The following PDSS2 variants were observed in gnomAD, a reference collection of about 807,000 sequenced individuals.
PDSS2 encodes all trans-polyprenyl-diphosphate synthase PDSS2.
PDSS2 carries 31 observed loss-of-function variants against 44.5 expected under a neutral mutation model. That is an observed-to-expected ratio of 0.70 (90% CI 0.52 to 0.94). The LOEUF (loss-of-function observed/expected upper bound fraction) is 0.94, where lower values mean the gene tolerates loss of function less well. PDSS2 is among the 40% of genes least tolerant of loss of function. The probability of loss-of-function intolerance (pLI) is 0.00; values close to 1 mark genes in which losing one functional copy is unlikely to be tolerated. For synonymous variants in PDSS2, 157 were observed against 180.3 expected (o/e 0.87, Z 1.03); for missense variants, 452 against 482.2 (o/e 0.94, Z 0.59).
At chr6:107,316,810 T>C (rs35190350) in intron 2 of PDSS2, among the ~76,000 whole-genome samples, 229 of 152,270 alleles carry the variant, frequency 1.5e-3, no homozygotes, top group Non-Finnish European at 2.9e-3. Flanking sequence ...ACAAAACATA[T>C]ACTACATCTA....
At chr6:107,430,519 T>G (rs1236492881) in intron 1 of PDSS2, among the ~76,000 whole-genome samples, 1 of 148,186 alleles carries the variant, frequency 6.7e-6, no homozygotes, top group South Asian at 2.1e-4. Flanking sequence ...AAAAATAAAA[T>G]TTAAAAAGGA....
At chr6:107,454,739 G>A (rs756032086) in intron 1 of PDSS2, among the ~76,000 whole-genome samples, 3 of 150,862 alleles carry the variant, frequency 2.0e-5, no homozygotes, top group South Asian at 2.1e-4. Flanking sequence ...AGCTTTATTC[G>A]AAAAGTAAAT....
chr6:107,229,127 G>GTA lies in PDSS2; in HGVS notation c.702+16419_702+16420dup, dbSNP rs60093293. Among the ~76,000 whole-genome samples, 488 of 152,104 alleles carry GTA rather than the reference G, an allele frequency of 3.2e-3. 6 individuals are homozygous for GTA. Among genetic ancestry groups the GTA allele is most frequent in the African/African-American group, 0.011 (455 of 41,456 alleles). On this transcript the variant is annotated intron_variant, in intron 4 of 7. Coordinates refer to ENST00000369037, the MANE Select transcript of PDSS2 (RefSeq NM_020381.4). Reference sequence around the variant, plus strand: ...CTTTTTTAAAAAACAGCTTTTACATGTATATATAATTAAGACATTTTTAAC... The same window carrying GTA: ...CTTTTTTAAAAAACAGCTTTTACATGTATATATATAATTAAGACATTTTTAAC...
At chr6:107,310,831 G>T (rs914631140) in intron 2 of PDSS2, among the ~76,000 whole-genome samples, 1 of 151,936 alleles carries the variant, frequency 6.6e-6, no homozygotes. Context: ...CCTTCAGAGG[G>T]GAAGGAGAAA....
At chr6:107,434,862 TAC>T (rs1781299702) in intron 1 of PDSS2, among the ~76,000 whole-genome samples, 1 of 152,142 alleles carries the variant, frequency 6.6e-6, no homozygotes, top group Non-Finnish European at 1.5e-5. Flanking sequence ...TCCATATATA[TAC>T]GTGTGTGTGT....
chr6:107,367,258 A>G (rs1191649241), intron 1 of PDSS2, among the ~76,000 whole-genome samples: 1 of 152,242 alleles, frequency 6.6e-6, no homozygotes, highest in African/African-American at 2.4e-5. Flanking sequence ...ACACATGACC[A>G]TCTCAACAGA....
At chr6:107,247,484 T>C (rs981965220) in intron 3 of PDSS2, among the ~76,000 whole-genome samples, 8 of 152,178 alleles carry the variant, frequency 5.3e-5, no homozygotes, top group Non-Finnish European at 1.2e-4. Context: ...CAAATGGCTA[T>C]ACTTACTTGA....
intron 3 of PDSS2, among the ~76,000 whole-genome samples, chr6:107,246,240 G>A (rs1309894516): frequency 1.3e-5 from 2 of 150,838 alleles, no homozygotes; most frequent in Non-Finnish European, 2.9e-5. Flanking sequence ...GTTAAATCAA[G>A]TGAGATCAAA....
chr6:107,241,109 C>T (rs543794102), intron 4 of PDSS2, among the ~76,000 whole-genome samples: 3 of 151,634 alleles, frequency 2.0e-5, no homozygotes, highest in African/African-American at 4.8e-5. Context: ...ATTAGTGAGA[C>T]GTGGTGGTGT....
intron 7 of PDSS2, among the ~76,000 whole-genome samples, chr6:107,167,388 G>A (rs1191739967): frequency 1.3e-5 from 2 of 151,990 alleles, no homozygotes; most frequent in Non-Finnish European, 2.9e-5. Flanking sequence ...TATTAGTCTT[G>A]CTAGTGGTCT....
intron 1 of PDSS2, among the ~76,000 whole-genome samples, chr6:107,336,387 G>A (rs1777894721): frequency 6.6e-6 from 1 of 151,786 alleles, no homozygotes; most frequent in African/African-American, 2.4e-5. Flanking sequence ...CAAAGTAACA[G>A]CTATAGCTTT....
chr6:107,431,027 T>G (rs72941764), intron 1 of PDSS2, among the ~76,000 whole-genome samples: 1 of 152,198 alleles, frequency 6.6e-6, no homozygotes, highest in Non-Finnish European at 1.5e-5. Flanking sequence ...GAAAATCACG[T>G]TGGGTTCTGT....
rs753421649 is a variant in PDSS2 at position 107,459,301 on chromosome 6, G to A, written c.-16C>T. On this transcript the variant is annotated 5_prime_UTR_variant, in exon 1 of 8. Transcript: ENST00000369037. This position sits in a 1 kb window ranked among gnomAD's most constrained non-coding sequence, Gnocchi z 4.3. ...GAAAGTTCATGGTTTGAGTCTGGAA[G>A]GGTCTGGGACCTGGGGGTATCCAGA... 3.1e-6 allele frequency: 5 copies of A among 1,612,864 alleles called. No homozygotes were observed. The highest frequency in any genetic ancestry group is 4.2e-6 in the Non-Finnish European group (5 of 1,179,482).
rs60957648 is a variant in PDSS2, at chr6:107,330,384, G to C, written c.431+3814C>G. Among the ~76,000 whole-genome samples, 828 of 152,278 alleles carry C rather than the reference G, an allele frequency of 5.4e-3. 5 individuals are homozygous for C. Among genetic ancestry groups the C allele is most frequent in the African/African-American group, 0.019 (810 of 41,554 alleles). On this transcript the variant is annotated intron_variant, in intron 2 of 7. Transcript: ENST00000369037. Reference sequence around the variant, plus strand: ...AAGTGCGTTTGGCATACTTGCTTCAGTCTCTTCTACCAGTTAAGGTGCTGG... The same window carrying C: ...AAGTGCGTTTGGCATACTTGCTTCACTCTCTTCTACCAGTTAAGGTGCTGG...
In PDSS2 at chr6:107,274,199, G is replaced by T. The variant is rs1775696306; in HGVS notation, c.460C>A (p.Leu154Ile). ...TGTACAAGGAGAGCAATATGAATTAGCTCCGTGATCTCTGCCAAACTTCTT... is the reference window on the plus strand; with the variant it reads ...TGTACAAGGAGAGCAATATGAATTATCTCCGTGATCTCTGCCAAACTTCTT... ...CQRSLAEITELIHIALLVHRG... is the reference protein window; with the variant it reads ...CQRSLAEITEIIHIALLVHRG... The change falls in exon 3 of 8, where the codon CTA (leucine) becomes ATA (isoleucine). Residue 154 changes from leucine to isoleucine, a missense_variant. Leu to Ile is a conservative substitution (Grantham distance 5). Coordinates refer to ENST00000369037, the MANE Select transcript of PDSS2 (RefSeq NM_020381.4). 6.2e-7 allele frequency: 1 copy of T among 1,613,658 alleles called. No individual in the cohort carries two copies. The highest frequency in any genetic ancestry group is 8.5e-7 in the Non-Finnish European group (1 of 1,179,686).
At chr6:107,364,121 C>G (rs1017404553) in intron 1 of PDSS2, among the ~76,000 whole-genome samples, 2 of 152,204 alleles carry the variant, frequency 1.3e-5, no homozygotes, top group African/African-American at 4.8e-5. Flanking sequence ...TTTACAATCC[C>G]TGAGCTAGAT....
intron 3 of PDSS2, among the ~76,000 whole-genome samples, chr6:107,258,188 T>C (rs1246224707): frequency 6.6e-6 from 1 of 152,198 alleles, no homozygotes; most frequent in Non-Finnish European, 1.5e-5. Context: ...CAATTTGGGG[T>C]ACTGCTTTAG....
Position 107,212,248 on chromosome 6 carries a change from G to A in PDSS2, c.737C>T (p.Thr246Ile), listed in dbSNP as rs148107195. ...SYITDDIGIS[T>I]WKEQTFLSHG... ...GGAGAGAAAAGTCTGCTCCTTCCAA[G>A]TCGATATTCCAATATCATCTGTGAT... Residue 246 changes from threonine to isoleucine, a missense_variant, in exon 5 of 8, where the codon ACT becomes ATT. Physicochemically the swap from Thr to Ile is moderately conservative, Grantham distance 89. Coordinates refer to ENST00000369037, the MANE Select transcript of PDSS2 (RefSeq NM_020381.4). 71 of 1,613,588 alleles carry A rather than the reference G, an allele frequency of 4.4e-5. No homozygotes were observed. Among genetic ancestry groups the A allele is most frequent in the Non-Finnish European group, 6.0e-5 (71 of 1,179,772 alleles).
intron 2 of PDSS2, among the ~76,000 whole-genome samples, chr6:107,330,069 G>A (rs906835941): frequency 6.6e-6 from 1 of 151,668 alleles, no homozygotes; most frequent in Non-Finnish European, 1.5e-5. Flanking sequence ...AAATTTAAGT[G>A]GCTTAACAAA....
Sources: allele counts gnomAD v4.1 joint callset (sites outside exome capture counted in the v4.1 genomes callset), GRCh38; gene constraint gnomAD v4.1.1; non-coding constraint Gnocchi (gnomAD v3.1); transcripts MANE v1.5; gene names NCBI Gene and HGNC (gene_info 2026-07-23, HGNC 2026-07-21).